CCT3: variants seen among roughly 807,000 people sequenced by gnomAD.
CCT3 encodes the protein T-complex protein 1 subunit gamma.
Under a neutral mutation model 65.3 loss-of-function variants are expected in CCT3, and 10 were observed. The observed-to-expected ratio is 0.15, with a 90% CI of 0.09 to 0.26. The LOEUF (loss-of-function observed/expected upper bound fraction) is 0.26. Among genes scored for constraint, CCT3 ranks in the 10% least tolerant of loss-of-function variants. CCT3 has a pLI of 1.00. For synonymous variants in CCT3, 225 were observed against 242.3 expected (o/e 0.93, Z 0.66); for missense variants, 626 against 708.7 (o/e 0.88, Z 1.33).
chr1:156,313,175 A>T (rs1664153986), intron 10 of CCT3, among the ~76,000 whole-genome samples: 1 of 152,032 alleles, frequency 6.6e-6, no homozygotes, highest in South Asian at 2.1e-4. Context: ...CCTCTACTAA[A>T]AATACAAGAA....
chr1:156,313,468 G>A lies in CCT3; in HGVS notation c.975-1247C>T, dbSNP rs139229710. On this transcript the variant is annotated intron_variant, in intron 10 of 13. Coordinates refer to ENST00000295688, the MANE Select transcript of CCT3 (RefSeq NM_005998.5). ...TAATCAGGAAGATTATGCCACAAATGACATTTATTAGTAAGAAAGAGAAGG... is the reference window on the plus strand; with the variant it reads ...TAATCAGGAAGATTATGCCACAAATAACATTTATTAGTAAGAAAGAGAAGG... 2.0e-5 allele frequency among the ~76,000 whole-genome samples: 3 copies of A among 151,944 alleles called. No homozygotes were observed. In the East Asian group the frequency reaches 5.8e-4, roughly 29 times the overall value.
intron 2 of CCT3, chr1:156,335,206 G>T (rs1665283331): frequency 2.8e-6 from 1 of 352,610 alleles, no homozygotes; most frequent in East Asian, 5.2e-5. Flanking sequence ...CTAAAGCATG[G>T]TTAGCCATCA....
chr1:156,323,044 C>T (rs970737764), intron 6 of CCT3, among the ~76,000 whole-genome samples: 15 of 152,040 alleles, frequency 9.9e-5, no homozygotes, highest in Non-Finnish European at 1.5e-4. Flanking sequence ...CGGTGGCTCA[C>T]GCCTGTAATC....
At chr1:156,328,209 AGTCCCCCCGTCCGGGAGGGAGGTAGG>A in intron 5 of CCT3, among the ~76,000 whole-genome samples, 1 of 105,272 alleles carries the variant, frequency 9.5e-6, no homozygotes, top group South Asian at 3.2e-4. Flanking sequence ...GGGGGGGGTC[AGTCCCCCCGTCCGGGAGGGAGGTAGG>A]GGGGTCAGCC....
intron 7 of CCT3, among the ~76,000 whole-genome samples, chr1:156,319,779 T>C (rs765940125): frequency 1.4e-4 from 22 of 152,188 alleles, no homozygotes; most frequent in Non-Finnish European, 2.9e-4. Context: ...AATTTTAGGC[T>C]TGGGGCTCCA....
intron 10 of CCT3, among the ~76,000 whole-genome samples, chr1:156,313,561 TACAA>T (rs975389660): frequency 2.6e-5 from 4 of 152,164 alleles, no homozygotes; most frequent in African/African-American, 9.7e-5. Context: ...TCTTGTAGTG[TACAA>T]CCAGGCCTGG....
intron 2 of CCT3, 40 bp from the exon 3 acceptor site, chr1:156,334,958 G>C (rs772996136): frequency 7.6e-6 from 12 of 1,582,504 alleles, no homozygotes; most frequent in Non-Finnish European, 9.5e-6. Context: ...GCACAAATCA[G>C]AGGACAGTGT....
At chr1:156,317,362 C>A in intron 9 of CCT3, 53 bp downstream of exon 9, 1 of 1,600,094 alleles carries the variant, frequency 6.2e-7, no homozygotes, top group South Asian at 1.1e-5. Context: ...GAAAACAAAT[C>A]ACCCACCCTC....
chr1:156,326,586 G>A (rs958972926), intron 5 of CCT3, among the ~76,000 whole-genome samples: 5 of 144,460 alleles, frequency 3.5e-5, no homozygotes, highest in African/African-American at 1.3e-4. Flanking sequence ...GGAGGCGGAG[G>A]TTGTGGTGAG....
At position 156,320,921 on chromosome 1, in the gene CCT3, G is replaced by A; in HGVS notation, c.527C>T (p.Ala176Val). 3 of 1,613,790 alleles carry A rather than the reference G, an allele frequency of 1.9e-6. No homozygotes were observed. Among genetic ancestry groups the A allele is most frequent in the Non-Finnish European group, 2.5e-6 (3 of 1,179,778 alleles). The change falls in exon 7 of 14, where the codon GCC becomes GTC. Residue 176 changes from alanine to valine, a missense_variant. Ala to Val is a moderately conservative substitution (Grantham distance 64). Coordinates refer to ENST00000295688, the MANE Select transcript of CCT3 (RefSeq NM_005998.5). ...SRWSSLACNI[A>V]LDAVKMVQFE... ...CTGTACCATCTTGACAGCATCCAGG[G>A]CAATGTTGCAAGCCAAAGATGACCA...
intron 5 of CCT3, among the ~76,000 whole-genome samples, chr1:156,327,183 T>G (rs1664852336): frequency 6.6e-6 from 1 of 152,246 alleles, no homozygotes; most frequent in African/African-American, 2.4e-5. Flanking sequence ...ATATTCTTTT[T>G]GTCAAAAGCC....
intron 5 of CCT3, among the ~76,000 whole-genome samples, chr1:156,325,862 C>T (rs188140280): frequency 1.9e-4 from 29 of 151,856 alleles, no homozygotes; most frequent in South Asian, 8.3e-4. Context: ...GGATTACAGG[C>T]GTAAGCTACC....
chr1:156,315,940 C>T (rs1664292655), intron 10 of CCT3, among the ~76,000 whole-genome samples: 1 of 151,932 alleles, frequency 6.6e-6, no homozygotes. Flanking sequence ...CTAGATATAA[C>T]CCATCCTGTA....
At chr1:156,309,505 C>T (rs577439487) in intron 13 of CCT3, among the ~76,000 whole-genome samples, 2 of 152,116 alleles carry the variant, frequency 1.3e-5, no homozygotes, top group Admixed American at 6.6e-5. Flanking sequence ...CGGTTCACTG[C>T]AACCTCCGCC....
intron 8 of CCT3, 129 bp downstream of exon 8, chr1:156,318,739 G>T: frequency 1.3e-6 from 1 of 776,146 alleles, no homozygotes; most frequent in Non-Finnish European, 2.0e-6. Flanking sequence ...TATTCTAAAG[G>T]ATTGTTCTAA....
chr1:156,335,276 C>T, intron 2 of CCT3: 1 of 211,200 alleles, frequency 4.7e-6, no homozygotes, highest in Non-Finnish European at 9.5e-6. Flanking sequence ...GTTTTTCTCC[C>T]CTTGGGAATG....
At chr1:156,334,954 A>C in intron 2 of CCT3, 36 bp from the exon 3 acceptor site, 1 of 1,588,324 alleles carries the variant, frequency 6.3e-7, no homozygotes, top group South Asian at 1.1e-5. Flanking sequence ...GCAAGCACAA[A>C]TCAGAGGACA....
chr1:156,335,023 T>A (rs1377964898), intron 2 of CCT3, 105 bp from the exon 3 acceptor site: 1 of 855,834 alleles, frequency 1.2e-6, no homozygotes, highest in Non-Finnish European at 1.8e-6. Flanking sequence ...AGAGTCAGTG[T>A]TTTATTTTAT....
rs371923526 is a variant in CCT3 at position 156,315,966 on chromosome 1, T to A, written c.974+1200A>T. Among the ~76,000 whole-genome samples, 109 of 152,136 alleles carry A rather than the reference T, an allele frequency of 7.2e-4. 1 individual carries two copies. The highest frequency in any genetic ancestry group is 2.6e-3 in the African/African-American group (106 of 41,530). On this transcript the variant is annotated intron_variant, in intron 10 of 13. Transcript: ENST00000295688. ...CCATCCTGTACTGCCCAGTTGAGTC[T>A]CCAGGCGAATAATAAAGACTGTACC...
Sources: gnomAD v4.1 joint callset for allele counts (sites outside exome capture counted in the v4.1 genomes callset) on GRCh38, gnomAD v4.1.1 for gene constraint, MANE v1.5 for transcripts, NCBI Gene and HGNC (gene_info 2026-07-23, HGNC 2026-07-21) for gene names.